CHIC2: variants seen among roughly 807,000 people sequenced by gnomAD.
CHIC2 encodes the protein cysteine rich hydrophobic domain 2.
A neutral mutation model predicts 25.9 loss-of-function variants in CHIC2; 14 were observed. The ratio of observed to expected loss-of-function variants is 0.54; its 90% CI spans 0.36 to 0.85. The LOEUF (loss-of-function observed/expected upper bound fraction) is 0.85, where lower values mean the gene tolerates loss of function less well. Ranked by LOEUF, CHIC2 falls within the 40% of genes least tolerant of loss-of-function variation. The pLI is 0.01. For missense variants in CHIC2, 146 were observed against 202.0 expected, an observed-to-expected ratio of 0.72 and a Z score of 1.68; for synonymous variants, 70 against 72.0, an observed-to-expected ratio of 0.97 and a Z score of 0.14.
chr4:54,037,194 C>T (rs940996624), intron 3 of CHIC2, among the ~76,000 whole-genome samples: 12 of 151,750 alleles, frequency 7.9e-5, no homozygotes, highest in Admixed American at 1.3e-4. Flanking sequence ...ACCAAAAATA[C>T]AAAAATTAGC....
the CHIC2 span, among the ~76,000 whole-genome samples, chr4:54,091,460 C>A: frequency 6.6e-6 from 1 of 152,284 alleles, no homozygotes; most frequent in South Asian, 2.1e-4. Flanking sequence ...TGTGCACATC[C>A]CCAGTTTCTC....
At chr4:54,020,924 C>A (rs2110063954) in intron 3 of CHIC2, among the ~76,000 whole-genome samples, 1 of 152,294 alleles carries the variant, frequency 6.6e-6, no homozygotes, top group Non-Finnish European at 1.5e-5. Context: ...CCCACATTCC[C>A]ATGGTGGCAA....
chr4:54,049,285 A>G lies in CHIC2; in HGVS notation c.140T>C (p.Phe47Ser). 1 of 1,603,572 alleles carries G rather than the reference A, an allele frequency of 6.2e-7. No homozygotes were observed. The change falls in exon 2 of 6, where the codon TTT (phenylalanine) becomes TCT (serine). Residue 47 changes from phenylalanine (F) to serine (S), a missense_variant. Phe to Ser is a radical substitution (Grantham distance 155). Coordinates refer to ENST00000263921, the MANE Select transcript of CHIC2 (RefSeq NM_012110.4). Reference protein sequence around the residue: ...HVTVFGLSNKFESEFPSSLTG... With the variant: ...HVTVFGLSNKSESEFPSSLTG... ...TAATGAAGAAGGGAATTCAGATTCAAATTTGTTGCTCAGTCCAAATCTATT... is the reference window on the plus strand; with the variant it reads ...TAATGAAGAAGGGAATTCAGATTCAGATTTGTTGCTCAGTCCAAATCTATT...
At chr4:54,024,193 T>C (rs1715989522) in intron 3 of CHIC2, among the ~76,000 whole-genome samples, 1 of 152,196 alleles carries the variant, frequency 6.6e-6, no homozygotes, top group African/African-American at 2.4e-5. Flanking sequence ...CCTTCCAGCC[T>C]CACAGGCCCA....
chr4:54,022,141 C>T (rs1028902240), intron 3 of CHIC2, among the ~76,000 whole-genome samples: 3 of 152,138 alleles, frequency 2.0e-5, no homozygotes, highest in Non-Finnish European at 2.9e-5. Context: ...CCTCCTTAGC[C>T]GTGTCCCATT....
At chr4:54,049,754 AGTG>A (rs1716945401) in intron 1 of CHIC2, among the ~76,000 whole-genome samples, 1 of 152,116 alleles carries the variant, frequency 6.6e-6, no homozygotes, top group Non-Finnish European at 1.5e-5. Context: ...CAGGAAAAAG[AGTG>A]AGGAGGGGAA....
rs1261643688 is a variant in CHIC2, at chr4:54,010,113, C to T, written c.480G>A (p.Pro160=). The part of the protein sequence containing the change: ...VILIEFLPKT[P]IFRPD ...GTAAATGCTAATCTGGTCGAAAAAT[C>T]GGTGTCTTTGGTAAAAATTCTATGA... The change falls in exon 6 of 6, where the codon CCG becomes CCA. Residue 160 remains proline, a synonymous_variant. Transcript: ENST00000263921. 4.4e-6 allele frequency: 7 copies of T among 1,606,950 alleles called. No individual in the cohort carries two copies. In the East Asian group the frequency reaches 6.7e-5, roughly 15 times the overall value.
chr4:54,059,420 T>C (rs1239544897), intron 1 of CHIC2, among the ~76,000 whole-genome samples: 3 of 152,042 alleles, frequency 2.0e-5, no homozygotes, highest in Non-Finnish European at 4.4e-5. Context: ...CGTGTACCTG[T>C]AGTTCTAGCT....
intron 3 of CHIC2, among the ~76,000 whole-genome samples, chr4:54,045,498 C>T (rs1303001223): frequency 2.9e-4 from 44 of 151,750 alleles, no homozygotes; most frequent in African/African-American, 1.0e-3. Context: ...GTTCAACATA[C>T]GAAAATCAAT....
At chr4:54,087,531 G>T in the CHIC2 span, 1 of 1,170,446 alleles carries the variant, frequency 8.5e-7, no homozygotes, top group Non-Finnish European at 1.1e-6. Context: ...AAATTTGAGA[G>T]GCCCCTGTAT....
chr4:54,011,644 T>G (rs1297013706), intron 5 of CHIC2, among the ~76,000 whole-genome samples: 1 of 152,038 alleles, frequency 6.6e-6, no homozygotes, highest in Non-Finnish European at 1.5e-5. Flanking sequence ...ATATACACTT[T>G]TAATACATAA....
chr4:54,032,054 C>T (rs1200031102), intron 3 of CHIC2, among the ~76,000 whole-genome samples: 2 of 152,070 alleles, frequency 1.3e-5, no homozygotes, highest in Non-Finnish European at 2.9e-5. Context: ...AGGCCACTTC[C>T]CTATTCCTAA....
At chr4:54,040,884 T>C (rs1716555103) in intron 3 of CHIC2, among the ~76,000 whole-genome samples, 2 of 150,562 alleles carry the variant, frequency 1.3e-5, no homozygotes, top group South Asian at 4.2e-4. Flanking sequence ...GTCTCAATCA[T>C]AATAAGAATA....
At chr4:54,055,284 A>G (rs537425571) in intron 1 of CHIC2, among the ~76,000 whole-genome samples, 2 of 152,246 alleles carry the variant, frequency 1.3e-5, no homozygotes, top group African/African-American at 2.4e-5. Context: ...TAAGAAATAC[A>G]TTAAGCGTAA....
chr4:54,033,553 CT>C (rs1716296687), intron 3 of CHIC2, among the ~76,000 whole-genome samples: 6 of 152,208 alleles, frequency 3.9e-5, no homozygotes, highest in Admixed American at 3.9e-4. Flanking sequence ...GTCTGGTGTT[CT>C]TTTAGGGATT....
chr4:54,011,751 G>T (rs749798419), intron 5 of CHIC2, among the ~76,000 whole-genome samples: 1 of 151,708 alleles, frequency 6.6e-6, no homozygotes, highest in Non-Finnish European at 1.5e-5. Context: ...ATAGAGACTG[G>T]CCACTTGTCT....
intron 1 of CHIC2, among the ~76,000 whole-genome samples, chr4:54,059,029 A>G (rs1717257232): frequency 6.6e-6 from 1 of 152,154 alleles, no homozygotes; most frequent in South Asian, 2.1e-4. Flanking sequence ...AAATTCTCAA[A>G]TTCAAATACA....
the CHIC2 span, among the ~76,000 whole-genome samples, chr4:54,081,545 A>C: frequency 1.3e-5 from 2 of 152,186 alleles, no homozygotes; most frequent in Non-Finnish European, 2.9e-5. Context: ...ACATACTGCT[A>C]TGGAAAGATC....
chr4:54,017,445 T>C (rs1251493911), intron 3 of CHIC2, among the ~76,000 whole-genome samples: 1 of 152,144 alleles, frequency 6.6e-6, no homozygotes, highest in Non-Finnish European at 1.5e-5. Context: ...AGATTGATAG[T>C]CATGGGAACT....
Sources: gnomAD v4.1 joint callset for allele counts (sites outside exome capture counted in the v4.1 genomes callset) on GRCh38, gnomAD v4.1.1 for gene constraint, MANE v1.5 for transcripts, NCBI Gene and HGNC (gene_info 2026-07-23, HGNC 2026-07-21) for gene names.